TAF1A: variants seen among roughly 807,000 people sequenced by gnomAD.
TAF1A encodes the protein TATA box-binding protein-associated factor RNA polymerase I subunit A.
A neutral mutation model predicts 61.6 loss-of-function variants in TAF1A; 42 were observed. The observed-to-expected ratio is 0.68, with a 90% CI of 0.53 to 0.88. The LOEUF is 0.88. Among genes scored for constraint, TAF1A ranks in the 40% least tolerant of loss-of-function variants. The probability of loss-of-function intolerance (pLI) is 0.00; values close to 1 mark genes in which losing one functional copy is unlikely to be tolerated. For synonymous variants in TAF1A, 179 were observed against 177.7 expected, an observed-to-expected ratio of 1.01 and a Z score of -0.06; for missense variants, 424 against 518.7, an observed-to-expected ratio of 0.82 and a Z score of 1.77.
intron 3 of TAF1A, among the ~76,000 whole-genome samples, chr1:222,580,087 CA>C (rs1660729004): frequency 6.6e-6 from 1 of 152,046 alleles, no homozygotes; most frequent in Non-Finnish European, 1.5e-5. Context: ...ATTAAAATAT[CA>C]GATAGTATAA....
intron 5 of TAF1A, among the ~76,000 whole-genome samples, chr1:222,572,617 C>T (rs946105390): frequency 2.6e-5 from 4 of 152,168 alleles, no homozygotes; most frequent in African/African-American, 9.7e-5. Flanking sequence ...GTCTTGGCCT[C>T]CCAAAGTGCT....
chr1:222,567,289 C>A (rs1207637982), intron 7 of TAF1A, among the ~76,000 whole-genome samples: 1 of 151,064 alleles, frequency 6.6e-6, no homozygotes, highest in Non-Finnish European at 1.5e-5. Context: ...TTTTCAGGGG[C>A]TGGGAGGAGC....
At chr1:222,558,302 T>A (rs1422342421), downstream of TAF1A, 1 of 152,980 alleles carries the variant, frequency 6.5e-6, no homozygotes, top group Non-Finnish European at 1.5e-5. Context: ...AAAAGTAGAA[T>A]ATAAATACAT....
chr1:222,573,896 C>A (rs1168705210), intron 5 of TAF1A, among the ~76,000 whole-genome samples: 1 of 151,622 alleles, frequency 6.6e-6, no homozygotes, highest in Non-Finnish European at 1.5e-5. Flanking sequence ...TATATACAAA[C>A]AATGGAATTC....
chr1:222,566,327 G>A (rs1396400135), intron 7 of TAF1A, among the ~76,000 whole-genome samples: 1 of 152,160 alleles, frequency 6.6e-6, no homozygotes, highest in South Asian at 2.1e-4. Context: ...TTGGCACCAG[G>A]TCCTGGTTTC....
chr1:222,557,596 G>A (rs540558057), downstream of TAF1A, among the ~76,000 whole-genome samples: 34 of 148,716 alleles, frequency 2.3e-4, no homozygotes, highest in East Asian at 1.6e-3. Flanking sequence ...GACTACAAGC[G>A]CGCACCACCA....
At chr1:222,554,427 T>C (rs549626843), downstream of TAF1A, among the ~76,000 whole-genome samples, 7 of 152,324 alleles carry the variant, frequency 4.6e-5, no homozygotes, top group African/African-American at 1.4e-4. Flanking sequence ...GAATCTTGGA[T>C]TGACTTATTC....
chr1:222,572,159 C>T (rs1371196156), intron 5 of TAF1A, among the ~76,000 whole-genome samples: 3 of 147,730 alleles, frequency 2.0e-5, no homozygotes, highest in Non-Finnish European at 3.0e-5. Context: ...ACACAGATTG[C>T]AGTGAGCTGA....
intron 5 of TAF1A, 81 bp from the exon 6 acceptor site, chr1:222,570,746 C>A: frequency 1.5e-6 from 2 of 1,357,122 alleles, no homozygotes; most frequent in Non-Finnish European, 2.0e-6. Context: ...AAACTATCTG[C>A]GAGAAAAACT....
chr1:222,577,437 T>G lies in TAF1A; in HGVS notation c.604+8A>C, dbSNP rs751847188. On this transcript the variant is annotated splice_region_variant and intron_variant, in intron 5 of 10. Transcript: ENST00000352967. The stretch of plus-strand genomic sequence containing the variant: ...ATCATAAGAAAAAGTTTACCTGTAT[T>G]CACTTACCAAGCTTTGACAATTCCA... 6.2e-7 allele frequency: 1 copy of G among 1,612,906 alleles called. No individual in the cohort carries two copies. The highest frequency in any genetic ancestry group is 8.5e-7 in the Non-Finnish European group (1 of 1,179,132).
rs113968211 is a variant in TAF1A, at chr1:222,570,896, C to T, written c.605-231G>A. Among the ~76,000 whole-genome samples, 661 of 152,186 alleles carry T rather than the reference C, an allele frequency of 4.3e-3. 2 individuals are homozygous for T. The highest frequency in any genetic ancestry group is 7.4e-3 in the Non-Finnish European group (505 of 67,976). ...GCCAGTATTACCATGATACCAAAAC[C>T]AAAGACAACACAATAAAACTACAGA... On this transcript the variant is annotated intron_variant, in intron 5 of 10. Transcript: ENST00000352967.
Position 222,577,654 on chromosome 1 carries a change from A to G in TAF1A, c.406-11T>C. 2 of 1,611,854 alleles carry G rather than the reference A, an allele frequency of 1.2e-6. No individual in the cohort carries two copies. The highest frequency in any genetic ancestry group is 2.2e-5 in the East Asian group (1 of 44,818). On this transcript the variant is annotated splice_polypyrimidine_tract_variant and intron_variant, in intron 4 of 10. Coordinates refer to ENST00000352967, the MANE Select transcript of TAF1A (RefSeq NM_005681.4). The stretch of plus-strand genomic sequence containing the variant: ...ATGTTGTAAGGAGATCTGCAAAAAT[A>G]ATAAGGGTACACCGCCATTTAAGCC...
At chr1:222,581,885 C>T (rs960593578) in intron 3 of TAF1A, among the ~76,000 whole-genome samples, 4 of 152,160 alleles carry the variant, frequency 2.6e-5, no homozygotes, top group Non-Finnish European at 4.4e-5. Flanking sequence ...TATCTGAAAT[C>T]GTTGGGACCA....
intron 4 of TAF1A, among the ~76,000 whole-genome samples, chr1:222,578,220 A>C (rs2102668087): frequency 6.6e-6 from 1 of 152,354 alleles, no homozygotes; most frequent in Non-Finnish European, 1.5e-5. Context: ...AATTATACAA[A>C]GAATGAGTAT....
chr1:222,569,286 A>T, intron 7 of TAF1A: 2 of 1,450,146 alleles, frequency 1.4e-6, no homozygotes, highest in Non-Finnish European at 1.8e-6. Flanking sequence ...GGGTTGCACA[A>T]GACTTCTGAT....
At chr1:222,560,310 G>C (rs1198354425) in intron 10 of TAF1A, among the ~76,000 whole-genome samples, 1 of 152,194 alleles carries the variant, frequency 6.6e-6, no homozygotes, top group Non-Finnish European at 1.5e-5. Context: ...ACTGATGCCT[G>C]ATATTTGTAG....
intron 9 of TAF1A, among the ~76,000 whole-genome samples, chr1:222,562,964 T>A (rs190250385): frequency 6.6e-6 from 1 of 152,312 alleles, no homozygotes; most frequent in Admixed American, 6.5e-5. Flanking sequence ...TTTATTTTGA[T>A]GGCATAAAAA....
chr1:222,570,963 A>G (rs1383768883), intron 5 of TAF1A, among the ~76,000 whole-genome samples: 1 of 152,094 alleles, frequency 6.6e-6, no homozygotes, highest in African/African-American at 2.4e-5. Context: ...TCTTTAACAA[A>G]AATACTAGCA....
intron 7 of TAF1A, chr1:222,569,141 A>G (rs1660239020): frequency 1.5e-6 from 1 of 646,090 alleles, no homozygotes; most frequent in East Asian, 8.9e-5. Context: ...GAAATGTTCT[A>G]TATCATGATT....
Sources: gnomAD v4.1 joint callset for allele counts (sites outside exome capture counted in the v4.1 genomes callset) on GRCh38, gnomAD v4.1.1 for gene constraint, MANE v1.5 for transcripts, NCBI Gene and HGNC (gene_info 2026-07-23, HGNC 2026-07-21) for gene names.